Variants in CASK observed in about 807,000 individuals in gnomAD.
CASK encodes the protein calcium/calmodulin dependent serine protein kinase, also known as peripheral plasma membrane protein CASK.
In CASK, 4 loss-of-function variants were observed where a neutral mutation model predicts 82.9. The observed-to-expected ratio is 0.05, with a 90% confidence interval of 0.02 to 0.11. The LOEUF is 0.11. Ranked by LOEUF, CASK falls within the 10% of genes least tolerant of loss-of-function variation. CASK has a pLI of 1.00. For synonymous variants in CASK, 259 were observed against 253.5 expected (o/e 1.02, Z -0.20); for missense variants, 358 against 720.9 (o/e 0.50, Z 5.76).
At chrX:41,757,583 G>A (rs2068922372) in intron 3 of CASK, among the ~76,000 whole-genome samples, 1 of 112,584 alleles carries the variant, frequency 8.9e-6, no homozygotes, top group African/African-American at 3.2e-5. Context: ...AGGCTGAAGT[G>A]CAGTGGTACA....
chrX:41,556,011 A>G (rs2065156312), intron 19 of CASK: 1 of 141,119 alleles, frequency 7.1e-6, no homozygotes, highest in African/African-American at 3.2e-5. Flanking sequence ...TTCAATGGCT[A>G]TATGGCTTTT....
intron 9 of CASK, among the ~76,000 whole-genome samples, chrX:41,633,606 AT>A (rs1022535667): frequency 4.7e-5 from 5 of 105,570 alleles, no homozygotes; most frequent in Admixed American, 1.0e-4. Flanking sequence ...CTTTTTTTTT[AT>A]TTTTTTTTAA....
At chrX:41,844,321 A>G (rs764453013) in intron 2 of CASK, among the ~76,000 whole-genome samples, 3 of 111,646 alleles carry the variant, frequency 2.7e-5, no homozygotes, top group African/African-American at 9.8e-5. Context: ...AGTAGAATTC[A>G]CCATTAAGCT....
chrX:41,632,203 G>T (rs1305889056), intron 9 of CASK, among the ~76,000 whole-genome samples: 2 of 112,239 alleles, frequency 1.8e-5, no homozygotes, highest in Non-Finnish European at 3.8e-5. Context: ...CACAACGACT[G>T]CTATCTCAAT....
intron 25 of CASK, chrX:41,524,562 G>A (rs1349672407): frequency 7.4e-6 from 1 of 135,329 alleles, no homozygotes; most frequent in African/African-American, 3.3e-5. Context: ...CTTGCCCAGG[G>A]CTGGAGTTAG....
chrX:41,848,997 C>A (rs766182450), intron 2 of CASK, among the ~76,000 whole-genome samples: 16 of 111,764 alleles, frequency 1.4e-4, no homozygotes, highest in Non-Finnish European at 2.6e-4. Context: ...TGTCAGTTTT[C>A]TCTTTTTTTT....
rs770827099 is a variant in CASK, at chrX:41,889,561, G to A, written c.59+33369C>T. Reference sequence around the variant, plus strand: ...GACTCATAATACAAATAAATGTTGGGAAGAGTAAATAGAACCTATCAACAC... The same window carrying A: ...GACTCATAATACAAATAAATGTTGGAAAGAGTAAATAGAACCTATCAACAC... On this transcript the variant is annotated intron_variant, in intron 1 of 26. Coordinates refer to ENST00000378163, the MANE Select transcript of CASK (RefSeq NM_001367721.1). Among the ~76,000 whole-genome samples, 3 of 111,462 alleles carry A rather than the reference G, an allele frequency of 2.7e-5. No homozygotes were observed. In the South Asian group the frequency reaches 1.1e-3, roughly 42 times the overall value.
intron 3 of CASK, among the ~76,000 whole-genome samples, chrX:41,756,755 A>C (rs2068904349): frequency 8.9e-6 from 1 of 112,321 alleles, no homozygotes; most frequent in Non-Finnish European, 1.9e-5. Flanking sequence ...TTTACTTACG[A>C]GAAAACTGAG....
chrX:41,645,990 C>T (rs1444250200), intron 8 of CASK, among the ~76,000 whole-genome samples: 1 of 111,482 alleles, frequency 9.0e-6, no homozygotes, highest in African/African-American at 3.3e-5. Context: ...TTGCCCTGCT[C>T]AACCAGGAGA....
At chrX:41,674,241 C>T (rs2067235765) in intron 5 of CASK, among the ~76,000 whole-genome samples, 1 of 110,494 alleles carries the variant, frequency 9.1e-6, no homozygotes, top group Admixed American at 9.7e-5. Context: ...AAGCAGGGTG[C>T]CTTAGACACT....
At chrX:41,592,288 A>G (rs1314211851) in intron 12 of CASK, among the ~76,000 whole-genome samples, 2 of 110,970 alleles carry the variant, frequency 1.8e-5, no homozygotes, top group Non-Finnish European at 3.8e-5. Context: ...AGGCTTTACA[A>G]GTTGATAGCA....
rs2069868265 is a variant in CASK at position 41,797,008 on chromosome X, T to A, written c.173-9725A>T. On this transcript the variant is annotated intron_variant, in intron 2 of 26. Coordinates refer to ENST00000378163, the MANE Select transcript of CASK (RefSeq NM_001367721.1). ...CATTCCATACAGCAAGACATTATAA[T>A]CCCTAAGCATGGCTTTGAAAGCCTT... Among the ~76,000 whole-genome samples, 3 of 111,579 alleles carry A rather than the reference T, an allele frequency of 2.7e-5. No individual in the cohort carries two copies. In the Admixed American group the frequency reaches 2.9e-4, roughly 11 times the overall value.
chrX:41,617,027 G>A (rs2066212199), intron 11 of CASK, among the ~76,000 whole-genome samples: 2 of 112,209 alleles, frequency 1.8e-5, no homozygotes, highest in South Asian at 7.4e-4. Flanking sequence ...TGTGAAGTAG[G>A]CATATTATAC....
At position 41,727,875 on chromosome X, in the gene CASK, A is replaced by G. The variant is rs760466951; in HGVS notation, c.429+11509T>C. On this transcript the variant is annotated intron_variant, in intron 5 of 26. Transcript: ENST00000378163. ...TACACCAAAGAGATAACTGTCAGCA[A>G]TTGAATTATTTAATAGAAACAAAAA... 20 of 1,202,335 alleles carry G rather than the reference A, an allele frequency of 1.7e-5. No individual in the cohort carries two copies. The South Asian group carries it at 3.0e-4, about 18-fold the overall frequency.
At chrX:41,592,765 T>C (rs2065765693) in intron 12 of CASK, among the ~76,000 whole-genome samples, 3 of 111,935 alleles carry the variant, frequency 2.7e-5, no homozygotes, top group African/African-American at 9.8e-5. Context: ...ACTTACTAGA[T>C]GATAGTTACT....
At chrX:41,892,499 A>C (rs746751722) in intron 1 of CASK, among the ~76,000 whole-genome samples, 73 of 109,671 alleles carry the variant, frequency 6.7e-4, no homozygotes, top group Non-Finnish European at 1.1e-3. Flanking sequence ...CACCCAGCTA[A>C]ATTTTTTGTA....
At chrX:41,900,599 C>CTTTTTTTTTTTTTTTTTTTGTTTT (rs559584956) in intron 1 of CASK, among the ~76,000 whole-genome samples, 1 of 74,517 alleles carries the variant, frequency 1.3e-5, no homozygotes. Flanking sequence ...CTGTTTGGTT[C>CTTTTTTTTTTTTTTTTTTTGTTTT]TTTTTTTTTT....
At chrX:41,681,871 G>C (rs950678114) in intron 5 of CASK, among the ~76,000 whole-genome samples, 13 of 108,643 alleles carry the variant, frequency 1.2e-4, no homozygotes, top group African/African-American at 4.4e-4. Context: ...GCTTGAACCT[G>C]GGAGGCGGAG....
intron 16 of CASK, among the ~76,000 whole-genome samples, chrX:41,564,082 T>C (rs1468115082): frequency 8.9e-6 from 1 of 112,040 alleles, no homozygotes; most frequent in Non-Finnish European, 1.9e-5. Flanking sequence ...ATAAAAAAGA[T>C]AATATGTAAT....
Sources: allele counts gnomAD v4.1 joint callset (sites outside exome capture counted in the v4.1 genomes callset), GRCh38; gene constraint gnomAD v4.1.1; transcripts MANE v1.5; gene names NCBI Gene and HGNC (gene_info 2026-07-23, HGNC 2026-07-21).